Variants in EIF2AK2 observed in about 807,000 individuals in gnomAD.
The protein encoded by EIF2AK2 is interferon-induced, double-stranded RNA-activated protein kinase.
A neutral mutation model predicts 70.5 loss-of-function variants in EIF2AK2; 40 were observed. That is an observed-to-expected ratio of 0.57 (90% CI 0.44 to 0.74). EIF2AK2 has a LOEUF of 0.74. Among genes scored for constraint, EIF2AK2 ranks in the 30% least tolerant of loss-of-function variants. The probability of loss-of-function intolerance (pLI) is 0.00; values close to 1 mark genes in which losing one functional copy is unlikely to be tolerated. For synonymous variants in EIF2AK2, 198 were observed against 220.9 expected (o/e 0.90, Z 0.92); for missense variants, 555 against 644.3 (o/e 0.86, Z 1.50).
At chr2:37,114,428 T>C (rs1674264121) in intron 14 of EIF2AK2, among the ~76,000 whole-genome samples, 2 of 152,266 alleles carry the variant, frequency 1.3e-5, no homozygotes, top group South Asian at 4.1e-4. Flanking sequence ...TGAACTAATA[T>C]GGAGAAATTA....
At chr2:37,151,971 C>T (rs1675758625) in intron 1 of EIF2AK2, among the ~76,000 whole-genome samples, 1 of 152,232 alleles carries the variant, frequency 6.6e-6, no homozygotes, top group South Asian at 2.1e-4. Flanking sequence ...GAGGCTGAGG[C>T]AGGAGAATGG....
chr2:37,116,670 A>T (rs1367619524), intron 13 of EIF2AK2, among the ~76,000 whole-genome samples: 2 of 152,196 alleles, frequency 1.3e-5, no homozygotes, highest in Non-Finnish European at 2.9e-5. Context: ...ATTGGAGCCT[A>T]ACACCAGTAA....
At chr2:37,111,766 G>C (rs1674156005) in intron 14 of EIF2AK2, among the ~76,000 whole-genome samples, 1 of 148,484 alleles carries the variant, frequency 6.7e-6, no homozygotes, top group African/African-American at 2.5e-5. Context: ...GCTGAGGCAG[G>C]AGGATCACCT....
intron 2 of EIF2AK2, chr2:37,148,613 A>T: frequency 2.4e-6 from 2 of 847,212 alleles, no homozygotes; most frequent in Non-Finnish European, 2.0e-6. Flanking sequence ...AGGTTTTAAG[A>T]TGTTGCAAGA....
Position 37,107,120 on chromosome 2 carries a change from C to T in EIF2AK2, c.*153G>A. 1 of 950,144 alleles carries T rather than the reference C, an allele frequency of 1.1e-6. No homozygotes were observed. Among genetic ancestry groups the T allele is most frequent in the Non-Finnish European group, 1.4e-6 (1 of 698,046 alleles). The allele number at this position is 950,144 out of a possible 1,614,324, so 58.9% of individuals were successfully genotyped here. A position where few individuals can be genotyped will look rare whatever the true frequency, so the allele number is the denominator to read the frequency against. ...TGTTTTTGAAGCAAAAAGAAGAAAA[C>T]CTTTCTGTTTCTGCAGAAAGATTAG... On this transcript the variant is annotated 3_prime_UTR_variant, in exon 17 of 17. Transcript: ENST00000233057.
rs1572993792 is a variant in EIF2AK2, at chr2:37,106,286, T to C, written c.*987A>G. On this transcript the variant is annotated 3_prime_UTR_variant, in exon 17 of 17. Transcript: ENST00000233057. Reference sequence around the variant, plus strand: ...AAAACCTGCTTTGTTCGCTTAACATTATGTTTCTGAGAGTTGTATTGTGTT... The same window carrying C: ...AAAACCTGCTTTGTTCGCTTAACATCATGTTTCTGAGAGTTGTATTGTGTT... 1 of 152,342 alleles carries C rather than the reference T, an allele frequency of 6.6e-6. No individual in the cohort carries two copies. The highest frequency in any genetic ancestry group is 1.9e-4 in the East Asian group (1 of 5,188). 9.4% of individuals were successfully genotyped at this position (152,342 alleles called of 1,614,324 possible). A position where few individuals can be genotyped will look rare whatever the true frequency, so the allele number is the denominator to read the frequency against.
In EIF2AK2 at chr2:37,149,021, A is replaced by C. The variant is rs1573041291; in HGVS notation, c.-181T>G. On this transcript the variant is annotated splice_region_variant and 5_prime_UTR_variant, in exon 2 of 17. Coordinates refer to ENST00000233057, the MANE Select transcript of EIF2AK2 (RefSeq NM_001135651.3). ...GGAAGGCAAACTGAATTTGCTCCAG[A>C]AACTGGTAAAAGAGAAAAAAGAAGG... 1 of 965,534 alleles carries C rather than the reference A, an allele frequency of 1.0e-6. No individual in the cohort carries two copies. 59.8% of individuals were successfully genotyped at this position (965,534 alleles called of 1,614,324 possible). A position where few individuals can be genotyped will look rare whatever the true frequency, so the allele number is the denominator to read the frequency against.
chr2:37,129,168 T>C (rs1674853508), intron 10 of EIF2AK2, among the ~76,000 whole-genome samples: 1 of 152,010 alleles, frequency 6.6e-6, no homozygotes, highest in African/African-American at 2.4e-5. Flanking sequence ...GAACAAAAAA[T>C]TCAAGAGGAC....
At chr2:37,149,325 G>T (rs1350722199) in intron 1 of EIF2AK2, 2 of 820,078 alleles carry the variant, frequency 2.4e-6, no homozygotes, top group Non-Finnish European at 4.0e-6. Flanking sequence ...CAAACTATGG[G>T]GCCTTTAAAG....
chr2:37,131,843 A>G (rs1573020048), intron 10 of EIF2AK2, among the ~76,000 whole-genome samples: 1 of 152,302 alleles, frequency 6.6e-6, no homozygotes, highest in East Asian at 1.9e-4. Flanking sequence ...CATCCTCCCA[A>G]CAAGCAGAAT....
intron 11 of EIF2AK2, among the ~76,000 whole-genome samples, chr2:37,123,232 T>C (rs2148680320): frequency 6.6e-6 from 1 of 152,142 alleles, no homozygotes; most frequent in Admixed American, 6.5e-5. Flanking sequence ...AAATCATCTG[T>C]AGTACTCTTG....
At chr2:37,140,020 C>A (rs1185065438) in intron 5 of EIF2AK2, among the ~76,000 whole-genome samples, 1 of 141,560 alleles carries the variant, frequency 7.1e-6, no homozygotes, top group Non-Finnish European at 1.5e-5. Context: ...AGATCTGGCA[C>A]AAAGGCACTA....
In EIF2AK2 at chr2:37,143,222, CAA is replaced by C. The variant is rs34947987; in HGVS notation, c.241-1523_241-1522del. Among the ~76,000 whole-genome samples, 212 of 112,186 alleles carry C rather than the reference CAA, an allele frequency of 1.9e-3. 1 individual carries two copies. Among genetic ancestry groups the C allele is most frequent in the Middle Eastern group, 4.3e-3 (1 of 230 alleles). The allele number at this position is 112,186 out of a possible 152,430, so 73.6% of individuals were successfully genotyped here. A position where few individuals can be genotyped will look rare whatever the true frequency, so the allele number is the denominator to read the frequency against. On this transcript the variant is annotated intron_variant, in intron 4 of 16. Coordinates refer to ENST00000233057, the MANE Select transcript of EIF2AK2 (RefSeq NM_001135651.3). ...TGGACAACAGAGCGAGACTCTGTCT[CAA>C]AAAAAAAAAAAAAAAAGAATCAATG...
chr2:37,131,568 CCTAA>C (rs2148691413), intron 10 of EIF2AK2, among the ~76,000 whole-genome samples: 1 of 152,302 alleles, frequency 6.6e-6, no homozygotes, highest in South Asian at 2.1e-4. Context: ...GATGCTCACT[CCTAA>C]TCCTGCTACT....
rs1294025177 is a variant in EIF2AK2 at position 37,131,180 on chromosome 2, GCTTT to G, written c.785+4300_785+4303del. Among the ~76,000 whole-genome samples, 3 of 152,084 alleles carry G rather than the reference GCTTT, an allele frequency of 2.0e-5. 1 individual carries two copies. Among genetic ancestry groups the G allele is most frequent in the East Asian group, 1.9e-4 (1 of 5,192 alleles). On this transcript the variant is annotated intron_variant, in intron 10 of 16. Coordinates refer to ENST00000233057, the MANE Select transcript of EIF2AK2 (RefSeq NM_001135651.3). ...CACTCCTACCCCAGACCTTTATCAT[GCTTT>G]CTGTCACCTAAAATGTGCCTTATTA...
At chr2:37,143,141 T>C (rs182253624) in intron 4 of EIF2AK2, among the ~76,000 whole-genome samples, 26 of 151,184 alleles carry the variant, frequency 1.7e-4, no homozygotes, top group African/African-American at 5.1e-4. Context: ...AGGCAGAGAA[T>C]TGCTTGAACA....
chr2:37,142,117 G>T (rs941421927), intron 4 of EIF2AK2, among the ~76,000 whole-genome samples: 3 of 132,124 alleles, frequency 2.3e-5, no homozygotes, highest in African/African-American at 5.1e-5. Context: ...CAAAAATCTT[G>T]TCCAAAGTTT....
In EIF2AK2 at chr2:37,149,855, C is replaced by T. The variant is rs542729000; in HGVS notation, c.-183-832G>A. Among the ~76,000 whole-genome samples the T allele has an allele frequency of 2.6e-5, 4 of 152,296 alleles. No individual in the cohort carries two copies. In the East Asian group the frequency reaches 7.7e-4, roughly 29 times the overall value. On this transcript the variant is annotated intron_variant, in intron 1 of 16. Coordinates refer to ENST00000233057, the MANE Select transcript of EIF2AK2 (RefSeq NM_001135651.3). ...CATCTGTTAATCAGTTCACTCACAG[C>T]AGAGCACGTAGTTACACTGTCTCTT...
At chr2:37,122,371 A>C in intron 12 of EIF2AK2, 135 bp downstream of exon 12, 4 of 979,418 alleles carry the variant, frequency 4.1e-6, no homozygotes, top group Non-Finnish European at 5.9e-6. Flanking sequence ...TTCGGAATGG[A>C]GAGATAACAG....
Sources: allele counts gnomAD v4.1 joint callset (sites outside exome capture counted in the v4.1 genomes callset), GRCh38; gene constraint gnomAD v4.1.1; transcripts MANE v1.5; gene names NCBI Gene and HGNC (gene_info 2026-07-23, HGNC 2026-07-21).